INTS13: variants seen among roughly 807,000 people sequenced by gnomAD.
The protein encoded by INTS13 is integrator complex subunit 13.
Under a neutral mutation model 90.2 loss-of-function variants are expected in INTS13, and 35 were observed. The observed-to-expected ratio is 0.39, with a 90% CI of 0.30 to 0.51. INTS13 has a LOEUF of 0.51. INTS13 is among the 20% of genes least tolerant of loss of function. The pLI, the probability that INTS13 is intolerant of heterozygous loss-of-function variation, is 0.80. For synonymous variants in INTS13, 309 were observed against 277.1 expected, an observed-to-expected ratio of 1.11 and a Z score of -1.14; for missense variants, 601 against 851.2, an observed-to-expected ratio of 0.71 and a Z score of 3.66.
intron 3 of INTS13, 105 bp downstream of exon 3, chr12:26,934,451 C>T: frequency 1.2e-6 from 1 of 826,972 alleles, no homozygotes; most frequent in Non-Finnish European, 2.0e-6. Flanking sequence ...CATTTTAACA[C>T]TATATGCAAA....
intron 6 of INTS13, among the ~76,000 whole-genome samples, chr12:26,925,058 C>T (rs1241992671): frequency 6.6e-6 from 1 of 151,932 alleles, no homozygotes; most frequent in African/African-American, 2.4e-5. Context: ...CTAACATTGC[C>T]ACATTATCAA....
chr12:26,927,474 GT>G (rs2137531238), intron 5 of INTS13, among the ~76,000 whole-genome samples: 1 of 152,218 alleles, frequency 6.6e-6, no homozygotes, highest in South Asian at 2.1e-4. Flanking sequence ...AAAAAAAACT[GT>G]TTTCCTTTTC....
intron 14 of INTS13, among the ~76,000 whole-genome samples, chr12:26,913,082 G>C (rs1191750320): frequency 6.6e-5 from 10 of 152,086 alleles, no homozygotes; most frequent in African/African-American, 2.4e-4. Flanking sequence ...TTCTTCAAGG[G>C]TAGGGATCTT....
chr12:26,910,711 A>G (rs188505924), intron 15 of INTS13, among the ~76,000 whole-genome samples: 6 of 152,336 alleles, frequency 3.9e-5, no homozygotes, highest in Admixed American at 3.3e-4. Context: ...TATTAGCAGC[A>G]TAAGACTGGA....
At chr12:26,928,932 T>G in intron 3 of INTS13, 27 bp from the exon 4 acceptor site, 2 of 1,599,792 alleles carry the variant, frequency 1.3e-6, no homozygotes, top group Non-Finnish European at 1.7e-6. Context: ...ACAATTATGT[T>G]GACAAGAGTA....
rs746108196 is a variant in INTS13 at position 26,917,614 on chromosome 12, C to T, written c.979+30G>A. On this transcript the variant is annotated intron_variant, in intron 9 of 16. Transcript: ENST00000261191. ...TAATACCTTAAGAACCTTTTGATTT[C>T]GTCTTTTTCAGTTATTCTTAAATAC... 4.5e-6 allele frequency: 7 copies of T among 1,571,098 alleles called. No individual in the cohort carries two copies. In the African/African-American group the frequency reaches 5.4e-5, roughly 12 times the overall value.
chr12:26,924,408 C>T lies in INTS13; in HGVS notation c.751G>A (p.Val251Ile). The T allele has an allele frequency of 1.2e-6, 2 of 1,613,336 alleles. No individual in the cohort carries two copies. The highest frequency in any genetic ancestry group is 1.7e-6 in the Non-Finnish European group (2 of 1,179,528). Reference protein sequence around the residue: ...RHLATKLNILVQQHFDLASTT... With the variant: ...RHLATKLNILIQQHFDLASTT... The stretch of plus-strand genomic sequence containing the variant: ...GAAGCCAAGTCAAAATGTTGCTGTA[C>T]TAAAATATTCAATTTGGTAGCAAGA... Residue 251 changes from valine to isoleucine, a missense_variant, in exon 7 of 17, where the codon GTA (valine) becomes ATA (isoleucine). By Grantham distance (29) the Val-to-Ile change is conservative. Transcript: ENST00000261191.
At position 26,906,375 on chromosome 12, in the gene INTS13, G is replaced by A. The variant is rs1393068023; in HGVS notation, c.2008C>T (p.Gln670Ter). Residue 670 changes from glutamine (Q) to a stop codon, truncating the protein, a stop_gained, in exon 16 of 17, where the codon CAG becomes TAG. Coordinates refer to ENST00000261191, the MANE Select transcript of INTS13 (RefSeq NM_018164.3). LOFTEE classifies it high-confidence loss of function. Reference sequence around the variant, plus strand: ...GAGTTCAAACGTCCAGCAAATTCCTGATGTTTTCTGGAATTGGCAGTATTG... The same window carrying A: ...GAGTTCAAACGTCCAGCAAATTCCTAATGTTTTCTGGAATTGGCAGTATTG... ...RINTANSRKH[Q>*]EFAGRLNSVN... 3 of 1,612,576 alleles carry A rather than the reference G, an allele frequency of 1.9e-6. No homozygotes were observed. Among genetic ancestry groups the A allele is most frequent in the Non-Finnish European group, 2.5e-6 (3 of 1,179,268 alleles).
rs1020761889 is a variant in INTS13, at chr12:26,913,778, C to T, written c.1575-91G>A. 6.5e-6 allele frequency: 8 copies of T among 1,232,404 alleles called. No individual in the cohort carries two copies. In the African/African-American group the frequency reaches 1.1e-4, roughly 16 times the overall value. The allele number at this position is 1,232,404 out of a possible 1,614,324, so 76.3% of individuals were successfully genotyped here. A position where few individuals can be genotyped will look rare whatever the true frequency, so the allele number is the denominator to read the frequency against. ...AAAACAAATAATGAAATGTGGACTTCCTTCCTCTTACTTGGTACTTAATAG... is the reference window on the plus strand; with the variant it reads ...AAAACAAATAATGAAATGTGGACTTTCTTCCTCTTACTTGGTACTTAATAG... On this transcript the variant is annotated intron_variant, in intron 13 of 16. Coordinates refer to ENST00000261191, the MANE Select transcript of INTS13 (RefSeq NM_018164.3).
chr12:26,936,217 A>T (rs1398280852), intron 2 of INTS13, among the ~76,000 whole-genome samples: 1 of 152,236 alleles, frequency 6.6e-6, no homozygotes. Context: ...ATGCCAGCAC[A>T]GTTTGACAGC....
intron 5 of INTS13, among the ~76,000 whole-genome samples, chr12:26,926,207 G>A (rs1180740680): frequency 1.3e-5 from 2 of 152,056 alleles, no homozygotes; most frequent in African/African-American, 2.4e-5. Flanking sequence ...GATAAAATCA[G>A]GCAATACTAA....
At chr12:26,913,719 T>C in intron 13 of INTS13, 32 bp from the exon 14 acceptor site, 5 of 1,533,000 alleles carry the variant, frequency 3.3e-6, no homozygotes, top group Non-Finnish European at 4.5e-6. Context: ...ACTCTTTAAA[T>C]AATATTGAAG....
chr12:26,932,947 GC>G (rs1938275568), intron 3 of INTS13, among the ~76,000 whole-genome samples: 1 of 152,138 alleles, frequency 6.6e-6, no homozygotes, highest in Non-Finnish European at 1.5e-5. Flanking sequence ...CTAACTATCA[GC>G]AGGCATTTAA....
chr12:26,913,591 C>T lies in INTS13; in HGVS notation c.1671G>A (p.Leu557=). The T allele has an allele frequency of 6.2e-7, 1 of 1,614,116 alleles. No homozygotes were observed. The highest frequency in any genetic ancestry group is 8.5e-7 in the Non-Finnish European group (1 of 1,180,022). The change falls in exon 14 of 17, where the codon CTG becomes CTA. Residue 557 remains leucine (L), a synonymous_variant. Coordinates refer to ENST00000261191, the MANE Select transcript of INTS13 (RefSeq NM_018164.3). ...SEKHQRVLEC[L]MACRSKPPEE... is the part of the protein sequence containing the mutation. The stretch of plus-strand genomic sequence containing the variant: ...CTGGGGGTTTGCTCCTGCATGCCAT[C>T]AGACATTCCAAGACTCTTTGATGTT...
chr12:26,924,334 G>T (rs1937746034), intron 7 of INTS13, 21 bp downstream of exon 7: 1 of 1,607,824 alleles, frequency 6.2e-7, no homozygotes, highest in Non-Finnish European at 8.5e-7. Context: ...TTTCAAAATA[G>T]CAGGAAAAAG....
At chr12:26,923,004 A>G (rs1937670452) in intron 7 of INTS13, among the ~76,000 whole-genome samples, 1 of 152,138 alleles carries the variant, frequency 6.6e-6, no homozygotes, top group South Asian at 2.1e-4. Context: ...AGTCTTGCCA[A>G]TATTTTTAAT....
Position 26,913,676 on chromosome 12 carries a change from T to C in INTS13, c.1586A>G (p.Tyr529Cys). 3 of 1,611,772 alleles carry C rather than the reference T, an allele frequency of 1.9e-6. No homozygotes were observed. Among genetic ancestry groups the C allele is most frequent in the Non-Finnish European group, 2.5e-6 (3 of 1,178,558 alleles). ...TTCTAATTCATTCCACATGATACGG[T>C]ATTGTTCATCTCTGCAGCAAAGATT... ...RGKGPKRDEQ[Y>C]RIMWNELETL... Residue 529 changes from tyrosine (Y) to cysteine (C), a missense_variant, in exon 14 of 17, where the codon TAC becomes TGC. Physicochemically the swap from Tyr to Cys is radical, Grantham distance 194. This residue lies in a region of INTS13 where 228 missense variants were observed against 272.5 expected (regional missense o/e 0.84). Transcript: ENST00000261191.
chr12:26,919,418 A>G (rs713085), intron 8 of INTS13, among the ~76,000 whole-genome samples: 79,318 of 151,898 alleles, frequency 0.52, 21,123 homozygotes, highest in East Asian at 0.79. Context: ...AGAAAAGCAT[A>G]GGCACGGGGC....
chr12:26,911,309 C>G lies in INTS13; in HGVS notation c.1814G>C (p.Gly605Ala), dbSNP rs745315540. 6.2e-7 allele frequency: 1 copy of G among 1,607,632 alleles called. No homozygotes were observed. The change falls in exon 15 of 17, where the codon GGA (glycine) becomes GCA (alanine). Residue 605 changes from glycine (G) to alanine (A), a missense_variant. This residue lies in a region of INTS13 where 228 missense variants were observed against 272.5 expected (regional missense o/e 0.84). Transcript: ENST00000261191. ...KSWQDSERLKGILERGKEELA... is the reference protein window; with the variant it reads ...KSWQDSERLKAILERGKEELA... ...TTCTTCTTTTCCACGCTCTAAGATT[C>G]CTTTTAATCTTTTAGAGGGACAAAT...
Sources: allele counts gnomAD v4.1 joint callset (sites outside exome capture counted in the v4.1 genomes callset), GRCh38; gene constraint gnomAD v4.1.1; regional missense constraint gnomAD v4.1.1; transcripts MANE v1.5; gene names NCBI Gene and HGNC (gene_info 2026-07-23, HGNC 2026-07-21).